Variants in LHFPL2 observed in about 807,000 individuals in gnomAD.
LHFPL2 encodes the protein LHFPL tetraspan subfamily member 2.
In LHFPL2, 7 loss-of-function variants were observed where a neutral mutation model predicts 17.5. The ratio of observed to expected loss-of-function variants is 0.40; its 90% CI spans 0.23 to 0.75. The LOEUF (loss-of-function observed/expected upper bound fraction) is 0.75. Ranked by LOEUF, LHFPL2 falls within the 30% of genes least tolerant of loss-of-function variation. The pLI, the probability that LHFPL2 is intolerant of heterozygous loss-of-function variation, is 0.37. For missense variants in LHFPL2, 241 were observed against 294.8 expected (o/e 0.82, Z 1.34); for synonymous variants, 134 against 116.2 (o/e 1.15, Z -0.99).
intron 3 of LHFPL2, among the ~76,000 whole-genome samples, chr5:78,525,240 A>G (rs940754401): frequency 1.3e-5 from 2 of 152,224 alleles, no homozygotes; most frequent in Non-Finnish European, 2.9e-5. Context: ...TGACTATAGG[A>G]CACACTGGCA....
intron 3 of LHFPL2, among the ~76,000 whole-genome samples, chr5:78,522,423 T>C (rs1198759256): frequency 6.6e-6 from 1 of 152,032 alleles, no homozygotes; most frequent in African/African-American, 2.4e-5. Flanking sequence ...GGTGACAGAG[T>C]GAGACTCTTG....
At chr5:78,632,948 G>T (rs763860889) in intron 1 of LHFPL2, among the ~76,000 whole-genome samples, 1 of 152,122 alleles carries the variant, frequency 6.6e-6, no homozygotes, top group African/African-American at 2.4e-5. Context: ...GCAAGACGGG[G>T]GGGTCCTGGA....
At chr5:78,555,509 C>G (rs991738894) in intron 3 of LHFPL2, among the ~76,000 whole-genome samples, 1 of 152,216 alleles carries the variant, frequency 6.6e-6, no homozygotes, top group African/African-American at 2.4e-5. Flanking sequence ...GACAGGAATT[C>G]ATAAAACCAA....
At chr5:78,622,433 C>A (rs957060472) in intron 2 of LHFPL2, among the ~76,000 whole-genome samples, 2 of 152,172 alleles carry the variant, frequency 1.3e-5, no homozygotes, top group Admixed American at 1.3e-4. Flanking sequence ...GCATGATTAT[C>A]CCCATCTTGC....
At chr5:78,588,837 A>AT (rs1351169552) in intron 2 of LHFPL2, among the ~76,000 whole-genome samples, 1 of 152,168 alleles carries the variant, frequency 6.6e-6, no homozygotes, top group Non-Finnish European at 1.5e-5. Flanking sequence ...AATAAATGGT[A>AT]CCTAATGTAA....
intron 3 of LHFPL2, among the ~76,000 whole-genome samples, chr5:78,534,316 G>A (rs930786479): frequency 5.3e-5 from 8 of 152,178 alleles, no homozygotes; most frequent in African/African-American, 1.4e-4. Flanking sequence ...TCACCATGAC[G>A]CCGAGAGGGA....
intron 2 of LHFPL2, among the ~76,000 whole-genome samples, chr5:78,583,893 C>T (rs1743252947): frequency 6.6e-6 from 1 of 151,096 alleles, no homozygotes; most frequent in Non-Finnish European, 1.5e-5. Flanking sequence ...AACTTGGTTC[C>T]ATTCTCCCCA....
chr5:78,634,217 G>C (rs1241169170), intron 1 of LHFPL2, among the ~76,000 whole-genome samples: 1 of 152,202 alleles, frequency 6.6e-6, no homozygotes, highest in African/African-American at 2.4e-5. Context: ...TTAGGGGGCG[G>C]TGGGGAGGCC....
At chr5:78,604,366 A>G (rs1434226894) in intron 2 of LHFPL2, among the ~76,000 whole-genome samples, 3 of 151,584 alleles carry the variant, frequency 2.0e-5, no homozygotes, top group East Asian at 3.9e-4. Context: ...AATCCCAGCT[A>G]CTCGGGAGGC....
At chr5:78,527,688 A>AAAAAAAAGAT (rs1755661698) in intron 3 of LHFPL2, among the ~76,000 whole-genome samples, 1 of 152,342 alleles carries the variant, frequency 6.6e-6, no homozygotes, top group East Asian at 1.9e-4. Flanking sequence ...TCACAAAGAA[A>AAAAAAAAGAT]AAAAAAAGAT....
At chr5:78,638,923 T>C (rs7724320) in intron 1 of LHFPL2, among the ~76,000 whole-genome samples, 3,559 of 152,268 alleles carry the variant, frequency 0.023, 130 homozygotes, top group African/African-American at 0.081. Flanking sequence ...AATATACACA[T>C]CCCAAACTAG....
Position 78,623,504 on chromosome 5 carries a change from T to C in LHFPL2, c.-245+8760A>G, listed in dbSNP as rs139988205. 3.6e-4 allele frequency among the ~76,000 whole-genome samples: 55 copies of C among 152,362 alleles called. No individual in the cohort carries two copies. The East Asian group carries it at 0.01, about 28-fold the overall frequency. Reference sequence around the variant, plus strand: ...AGAGAGAACTATTGCATTGAAACTATGTCACATGCAATAAGTATACAAATA... The same window carrying C: ...AGAGAGAACTATTGCATTGAAACTACGTCACATGCAATAAGTATACAAATA... On this transcript the variant is annotated intron_variant, in intron 2 of 4. Transcript: ENST00000380345.
intron 2 of LHFPL2, among the ~76,000 whole-genome samples, chr5:78,585,025 G>A (rs1160505331): frequency 6.5e-4 from 2 of 3,066 alleles, no homozygotes; most frequent in African/African-American, 1.7e-3. Flanking sequence ...TTTTTTTTTT[G>A]AGACGGAGTC....
intron 1 of LHFPL2, among the ~76,000 whole-genome samples, chr5:78,639,490 G>A (rs1317491307): frequency 6.6e-6 from 1 of 152,214 alleles, no homozygotes; most frequent in Non-Finnish European, 1.5e-5. Flanking sequence ...TGCAGAGTCA[G>A]TAATTAAGTC....
Position 78,486,113 on chromosome 5 carries a change from A to G in LHFPL2, c.*2784T>C, listed in dbSNP as rs959267776. 1.3e-5 allele frequency: 2 copies of G among 152,680 alleles called. No homozygotes were observed. The highest frequency in any genetic ancestry group is 4.8e-5 in the African/African-American group (2 of 41,464). The allele number at this position is 152,680 out of a possible 1,614,324, so 9.5% of individuals were successfully genotyped here. A position where few individuals can be genotyped will look rare whatever the true frequency, so the allele number is the denominator to read the frequency against. On this transcript the variant is annotated 3_prime_UTR_variant, in exon 5 of 5. Transcript: ENST00000380345. ...ATATATATTTTTAAATATGCTACAC[A>G]TAAAAAAAGACTATGGCACTTTACA...
At chr5:78,555,519 A>G (rs188259177) in intron 3 of LHFPL2, among the ~76,000 whole-genome samples, 1 of 152,246 alleles carries the variant, frequency 6.6e-6, no homozygotes, top group African/African-American at 2.4e-5. Flanking sequence ...CATAAAACCA[A>G]TGGGATGTGG....
intron 2 of LHFPL2, among the ~76,000 whole-genome samples, chr5:78,606,531 C>G (rs893816689): frequency 1.4e-4 from 21 of 152,188 alleles, no homozygotes; most frequent in African/African-American, 5.1e-4. Flanking sequence ...CTCAAAGGGT[C>G]ATTTCCATAC....
intron 2 of LHFPL2, among the ~76,000 whole-genome samples, chr5:78,580,470 C>T (rs13362532): frequency 0.38 from 54,577 of 143,110 alleles, 10,661 homozygotes; most frequent in Middle Eastern, 0.47. Flanking sequence ...AGGGTTTTTA[C>T]GGTTTTAGGT....
chr5:78,527,363 GTT>G (rs35135294), intron 3 of LHFPL2, among the ~76,000 whole-genome samples: 11 of 108,090 alleles, frequency 1.0e-4, no homozygotes, highest in African/African-American at 1.0e-4. Flanking sequence ...CTGATGAGGA[GTT>G]TTTTTTTTTT....
Sources: allele counts gnomAD v4.1 joint callset (sites outside exome capture counted in the v4.1 genomes callset), GRCh38; gene constraint gnomAD v4.1.1; transcripts MANE v1.5; gene names NCBI Gene and HGNC (gene_info 2026-07-23, HGNC 2026-07-21).